The following BRPF3 variants were observed in gnomAD, a reference collection of about 807,000 sequenced individuals.
BRPF3 encodes bromodomain and PHD finger-containing protein 3.
In BRPF3, 18 loss-of-function variants were observed where a neutral mutation model predicts 102.0. That is an observed-to-expected ratio of 0.18 (90% CI 0.12 to 0.26). BRPF3 has a LOEUF of 0.26. BRPF3 is among the 10% of genes least tolerant of loss of function. The probability of loss-of-function intolerance (pLI) is 1.00; values close to 1 mark genes in which losing one functional copy is unlikely to be tolerated. For synonymous variants in BRPF3, 570 were observed against 614.2 expected, an observed-to-expected ratio of 0.93 and a Z score of 1.06; for missense variants, 1,147 against 1,567.8, an observed-to-expected ratio of 0.73 and a Z score of 4.53.
At position 36,200,601 on chromosome 6, in the gene BRPF3, C is replaced by G. The variant is rs777231007; in HGVS notation, c.279C>G (p.Pro93=). The G allele has an allele frequency of 5.6e-6, 9 of 1,614,080 alleles. No homozygotes were observed. Among genetic ancestry groups the G allele is most frequent in the Middle Eastern group, 1.6e-4 (1 of 6,084 alleles). ...QPQFPGKSKK[P]SSKGKKKESC... is the part of the protein sequence containing the mutation. ...AGTTCCCTGGCAAGTCCAAGAAACCCTCATCCAAGGGCAAAAAGAAGGAAT... is the reference window on the plus strand; with the variant it reads ...AGTTCCCTGGCAAGTCCAAGAAACCGTCATCCAAGGGCAAAAAGAAGGAAT... The change falls in exon 2 of 13, where the codon CCC becomes CCG. Residue 93 remains proline (P), a synonymous_variant. Transcript: ENST00000357641. The surrounding 1 kb of genome is among the most constrained non-coding windows in gnomAD (Gnocchi z 5.3).
intron 3 of BRPF3, among the ~76,000 whole-genome samples, chr6:36,205,525 C>T (rs1436771708): frequency 6.6e-6 from 1 of 152,154 alleles, no homozygotes; most frequent in Non-Finnish European, 1.5e-5. Context: ...CCTTTTGGTC[C>T]ACCTGCTCCA....
chr6:36,207,713 A>AGGG (rs1767954849), intron 4 of BRPF3, among the ~76,000 whole-genome samples: 1 of 152,160 alleles, frequency 6.6e-6, no homozygotes, highest in South Asian at 2.1e-4. Context: ...CTGATTCAGG[A>AGGG]AGTCTCTCAG....
At position 36,204,775 on chromosome 6, in the gene BRPF3, C is replaced by T; in HGVS notation, c.1566C>T (p.Arg522=). 1 of 1,614,228 alleles carries T rather than the reference C, an allele frequency of 6.2e-7. No homozygotes were observed. The highest frequency in any genetic ancestry group is 8.5e-7 in the Non-Finnish European group (1 of 1,180,052). Residue 522 remains arginine (R), a synonymous_variant, in exon 3 of 13, where the codon CGC becomes CGT. Coordinates refer to ENST00000357641, the MANE Select transcript of BRPF3 (RefSeq NM_015695.3). ...QARNGVPLIR[R]LHSHLQSQRN... ...GGAATGGTGTCCCTCTTATCCGGCG[C>T]TTGCACTCCCATCTGCAGTCCCAAA...
rs755447704 is a variant in BRPF3 at position 36,214,111 on chromosome 6, A to G, written c.2714A>G (p.Asn905Ser). The G allele has an allele frequency of 6.2e-7, 1 of 1,614,212 alleles. No homozygotes were observed. The stretch of plus-strand genomic sequence containing the variant: ...CGCTTGCTCAGTGACAATGGCATCA[A>G]CAGACTATCCCTCATGGCCCCTGAC... The part of the protein sequence containing the change: ...LQRLLSDNGI[N>S]RLSLMAPDTP... The change falls in exon 8 of 13, where the codon AAC (asparagine) becomes AGC (serine). Residue 905 changes from asparagine (N) to serine (S), a missense_variant. Asn to Ser is a conservative substitution (Grantham distance 46). This residue lies in a region of BRPF3 where 379 missense variants were observed against 426.3 expected (regional missense o/e 0.89). Transcript: ENST00000357641.
rs754624970 is a variant in BRPF3 at position 36,228,967 on chromosome 6, G to A, written c.3345G>A (p.Pro1115=). Reference sequence around the variant, plus strand: ...ATGGCGTTCCCATCCCTGTCCCCCCGCTGGACGTGCTGAAGCTGGGAGAGC... The same window carrying A: ...ATGGCGTTCCCATCCCTGTCCCCCCACTGGACGTGCTGAAGCTGGGAGAGC... ...LHNGVPIPVP[P]LDVLKLGEQK... is the part of the protein sequence containing the mutation. The change falls in exon 12 of 13, where the codon CCG becomes CCA. Residue 1115 remains proline, a synonymous_variant. Transcript: ENST00000357641. The A allele has an allele frequency of 1.2e-5, 20 of 1,614,104 alleles. No homozygotes were observed. The highest frequency in any genetic ancestry group is 5.5e-5 in the South Asian group (5 of 91,090).
chr6:36,228,635 C>T (rs1042330288), intron 11 of BRPF3, among the ~76,000 whole-genome samples: 2 of 152,140 alleles, frequency 1.3e-5, no homozygotes, highest in African/African-American at 2.4e-5. Context: ...TCTTCATAGC[C>T]GTGGTACCTA....
intron 3 of BRPF3, among the ~76,000 whole-genome samples, chr6:36,206,637 A>G (rs1201481141): frequency 2.0e-5 from 3 of 151,962 alleles, no homozygotes; most frequent in Non-Finnish European, 4.4e-5. Context: ...TCCAGAAGAG[A>G]CCTTCCTTAC....
rs1768065013 is a variant in BRPF3 at position 36,210,503 on chromosome 6, CTT to C, written c.2157_2158del (p.Phe719LeufsTer110). 6.3e-7 allele frequency: 1 copy of C among 1,597,116 alleles called. No individual in the cohort carries two copies. Among genetic ancestry groups the C allele is most frequent in the African/African-American group, 1.3e-5 (1 of 74,696 alleles). ...HLPESPKLEDFYRFSWEDVDN... is the reference protein window; with the variant it reads ...HLPESPKLEDXYRFSWEDVDN... ...TGCCCGAGTCACCCAAATTGGAAGA[CTT>C]TTACCGCTTCTCCTGGGAAGACGGT... is the stretch of plus-strand genomic sequence containing the variant. On this transcript the variant is annotated frameshift_variant, in exon 6 of 13. Coordinates refer to ENST00000357641, the MANE Select transcript of BRPF3 (RefSeq NM_015695.3). LOFTEE classifies it high-confidence loss of function. This position sits in a 1 kb window ranked among gnomAD's most constrained non-coding sequence, Gnocchi z 4.7.
intron 10 of BRPF3, 95 bp from the exon 11 acceptor site, chr6:36,225,172 G>T: frequency 1.1e-6 from 1 of 916,380 alleles, no homozygotes. Flanking sequence ...ACTCATTCCT[G>T]GGTTGCCCCA....
intron 11 of BRPF3, 24 bp from the exon 12 acceptor site, chr6:36,228,878 G>C: frequency 1.2e-6 from 2 of 1,613,248 alleles, no homozygotes; most frequent in Non-Finnish European, 1.7e-6. Flanking sequence ...CTCACTGAGT[G>C]CCCATCTTCT....
intron 11 of BRPF3, 127 bp from the exon 12 acceptor site, chr6:36,228,775 C>A: frequency 3.7e-6 from 4 of 1,089,816 alleles, no homozygotes; most frequent in Non-Finnish European, 5.4e-6. Context: ...CTGGTCTGGA[C>A]ATCAAAGATA....
At position 36,201,046 on chromosome 6, in the gene BRPF3, G is replaced by C. The variant is rs780093914; in HGVS notation, c.724G>C (p.Glu242Gln). 1.9e-6 allele frequency: 3 copies of C among 1,614,026 alleles called. No homozygotes were observed. In the African/African-American group the frequency reaches 4.0e-5, roughly 22 times the overall value. ...CATCTGCAACCTGGCTGTACACCAG[G>C]AGTGCTATGGCGTCCCATACATCCC... ...CDICNLAVHQ[E>Q]CYGVPYIPEG... Residue 242 changes from glutamate (E) to glutamine (Q), a missense_variant, in exon 2 of 13, where the codon GAG (glutamate) becomes CAG (glutamine). Glu to Gln is a conservative substitution (Grantham distance 29, BLOSUM62 2). Coordinates refer to ENST00000357641, the MANE Select transcript of BRPF3 (RefSeq NM_015695.3). This position sits in a 1 kb window ranked among gnomAD's most constrained non-coding sequence, Gnocchi z 5.1.
At chr6:36,205,127 G>T (rs1292029305) in intron 3 of BRPF3, among the ~76,000 whole-genome samples, 1 of 152,196 alleles carries the variant, frequency 6.6e-6, no homozygotes, top group Non-Finnish European at 1.5e-5. Flanking sequence ...AGCCAGGGTG[G>T]CCACATTGTG....
rs749228433 is a variant in BRPF3 at position 36,201,482 on chromosome 6, C to T, written c.1160C>T (p.Ser387Leu). Residue 387 changes from serine to leucine, a missense_variant, in exon 2 of 13, where the codon TCG (serine) becomes TTG (leucine). This residue lies in a region of BRPF3 where 157 missense variants were observed against 163.6 expected (regional missense o/e 0.96). Transcript: ENST00000357641. The surrounding 1 kb of genome is among the most constrained non-coding windows in gnomAD (Gnocchi z 5.1). ...VRKTAYCEAH[S>L]PPGAATARRK... ...AAGACTGCCTACTGTGAGGCCCACTCGCCACCAGGTGCGGCCACTGCTAGG... is the reference window on the plus strand; with the variant it reads ...AAGACTGCCTACTGTGAGGCCCACTTGCCACCAGGTGCGGCCACTGCTAGG... 16 of 1,614,074 alleles carry T rather than the reference C, an allele frequency of 9.9e-6. No individual in the cohort carries two copies. Among genetic ancestry groups the T allele is most frequent in the Non-Finnish European group, 1.2e-5 (14 of 1,180,050 alleles).
intron 9 of BRPF3, among the ~76,000 whole-genome samples, chr6:36,219,261 G>A (rs58707214): frequency 0.033 from 5,077 of 152,114 alleles, 141 homozygotes; most frequent in African/African-American, 0.077. Flanking sequence ...CCTACCCCCC[G>A]CCAACCCTCA....
rs952908402 is a variant in BRPF3, at chr6:36,210,909, G to GA, written c.2180-347dup. On this transcript the variant is annotated intron_variant, in intron 6 of 12. Coordinates refer to ENST00000357641, the MANE Select transcript of BRPF3 (RefSeq NM_015695.3). The surrounding 1 kb of genome is among the most constrained non-coding windows in gnomAD (Gnocchi z 4.7). ...TTGCAGGTGGAGGACCAGAAAAATGGAATTGCCTCTGAGCCCCACACGCTG... is the reference window on the plus strand; with the variant it reads ...TTGCAGGTGGAGGACCAGAAAAATGGAAATTGCCTCTGAGCCCCACACGCTG... Among the ~76,000 whole-genome samples the GA allele has an allele frequency of 6.6e-6, 1 of 152,136 alleles. No individual in the cohort carries two copies. The highest frequency in any genetic ancestry group is 2.4e-5 in the African/African-American group (1 of 41,430).
At chr6:36,202,950 G>A (rs1034941705) in intron 2 of BRPF3, among the ~76,000 whole-genome samples, 4 of 152,214 alleles carry the variant, frequency 2.6e-5, no homozygotes, top group African/African-American at 9.6e-5. Flanking sequence ...AGACATAAGT[G>A]TGAGATCAGA....
chr6:36,224,784 C>T (rs1277470564), intron 10 of BRPF3, among the ~76,000 whole-genome samples: 2 of 152,094 alleles, frequency 1.3e-5, no homozygotes, highest in Non-Finnish European at 2.9e-5. Context: ...GTTCAGAGGT[C>T]GGTAAACTAT....
intron 7 of BRPF3, among the ~76,000 whole-genome samples, chr6:36,212,314 C>G (rs904114593): frequency 2.6e-5 from 4 of 152,114 alleles, no homozygotes; most frequent in African/African-American, 7.2e-5. Context: ...CTTGGGAGGG[C>G]CTGTCACGCA....
Sources: gnomAD v4.1 joint callset for allele counts (sites outside exome capture counted in the v4.1 genomes callset) on GRCh38, gnomAD v4.1.1 for gene constraint, gnomAD v4.1.1 regional missense constraint, Gnocchi (gnomAD v3.1) non-coding constraint, MANE v1.5 for transcripts, NCBI Gene and HGNC (gene_info 2026-07-23, HGNC 2026-07-21) for gene names.